The following GPC6 variants were observed in gnomAD, a reference collection of about 807,000 sequenced individuals.
GPC6 encodes glypican-6.
A neutral mutation model predicts 55.2 loss-of-function variants in GPC6; 14 were observed. The observed-to-expected ratio is 0.25, with a 90% CI of 0.17 to 0.40. The LOEUF (loss-of-function observed/expected upper bound fraction) is 0.40, where lower values mean the gene tolerates loss of function less well. GPC6 is among the 10% of genes least tolerant of loss of function. The pLI is 1.00. For synonymous variants in GPC6, 278 were observed against 259.6 expected, an observed-to-expected ratio of 1.07 and a Z score of -0.68; for missense variants, 641 against 708.5, an observed-to-expected ratio of 0.90 and a Z score of 1.08.
rs529906174 is a variant in GPC6, at chr13:93,523,398, T to C, written c.161-21865T>C. Reference sequence around the variant, plus strand: ...ATATGTATGTATGTGTATATATATATCCTCTTTTAAATATTATCCTTACAG... The same window carrying C: ...ATATGTATGTATGTGTATATATATACCCTCTTTTAAATATTATCCTTACAG... On this transcript the variant is annotated intron_variant, in intron 1 of 8. Coordinates refer to ENST00000377047, the MANE Select transcript of GPC6 (RefSeq NM_005708.5). 4.0e-5 allele frequency among the ~76,000 whole-genome samples: 6 copies of C among 151,388 alleles called. No individual in the cohort carries two copies. In the South Asian group the frequency reaches 1.3e-3, roughly 32 times the overall value.
chr13:93,226,654 T>C (rs1875793967), upstream of GPC6: 1 of 152,238 alleles, frequency 6.6e-6, no homozygotes, highest in South Asian at 2.1e-4. Flanking sequence ...CAGATCGGTA[T>C]AAAGGATGTG....
intron 6 of GPC6, among the ~76,000 whole-genome samples, chr13:94,318,807 G>A (rs1460564014): frequency 6.6e-6 from 1 of 152,054 alleles, no homozygotes; most frequent in South Asian, 2.1e-4. Flanking sequence ...AACTTTTCTT[G>A]TGAATTGAGC....
chr13:93,220,124 A>C, the GPC6 span, among the ~76,000 whole-genome samples: 3 of 152,228 alleles, frequency 2.0e-5, no homozygotes, highest in African/African-American at 7.2e-5. Context: ...CAAAATAATT[A>C]ATGATAGATA....
rs2140395203 is a variant in GPC6 at position 93,972,184 on chromosome 13, A to G, written c.712-55545A>G. On this transcript the variant is annotated intron_variant, in intron 3 of 8. Transcript: ENST00000377047. ...GGTAAACACTCCCCAAGCACACTTC[A>G]CTTTGGATTGGCAAGATTTGTTTGC... is the stretch of plus-strand genomic sequence containing the variant. 2.6e-5 allele frequency among the ~76,000 whole-genome samples: 4 copies of G among 152,296 alleles called. 1 individual carries two copies. The South Asian group carries it at 8.3e-4, about 32-fold the overall frequency.
At chr13:93,896,172 C>A (rs572376446) in intron 3 of GPC6, among the ~76,000 whole-genome samples, 1 of 151,942 alleles carries the variant, frequency 6.6e-6, no homozygotes, top group South Asian at 2.1e-4. Flanking sequence ...ATACGTACAG[C>A]TATTATGTGG....
chr13:93,675,451 C>G (rs1303084170), intron 2 of GPC6, among the ~76,000 whole-genome samples: 1 of 152,070 alleles, frequency 6.6e-6, no homozygotes, highest in East Asian at 1.9e-4. Context: ...GTTCTGTTCA[C>G]CAGTATTCAC....
intron 3 of GPC6, among the ~76,000 whole-genome samples, chr13:93,938,923 G>A (rs962762137): frequency 1.3e-5 from 2 of 152,006 alleles, no homozygotes; most frequent in Non-Finnish European, 2.9e-5. Flanking sequence ...CCAACACGGT[G>A]AAACCCCGTC....
chr13:94,050,462 A>G (rs1050826425), intron 4 of GPC6, among the ~76,000 whole-genome samples: 59 of 152,188 alleles, frequency 3.9e-4, no homozygotes, highest in Non-Finnish European at 2.8e-4. Context: ...CAACATCATT[A>G]TAATCTTCCA....
chr13:93,772,588 A>C (rs994767721), intron 2 of GPC6, among the ~76,000 whole-genome samples: 5 of 152,148 alleles, frequency 3.3e-5, no homozygotes, highest in African/African-American at 1.2e-4. Flanking sequence ...CACAAGGAAG[A>C]GAAACAAGAA....
At chr13:93,660,161 A>C (rs556504416) in intron 2 of GPC6, among the ~76,000 whole-genome samples, 1 of 152,252 alleles carries the variant, frequency 6.6e-6, no homozygotes, top group African/African-American at 2.4e-5. Context: ...TGGAAAAAAA[A>C]CTATGCCATT....
intron 1 of GPC6, among the ~76,000 whole-genome samples, chr13:93,296,886 G>C (rs1406485474): frequency 6.6e-6 from 1 of 152,158 alleles, no homozygotes; most frequent in Non-Finnish European, 1.5e-5. Context: ...GCCATCCAAA[G>C]TTATGAGGAG....
intron 1 of GPC6, among the ~76,000 whole-genome samples, chr13:93,326,813 C>T (rs538671513): frequency 1.7e-4 from 26 of 152,120 alleles, no homozygotes; most frequent in African/African-American, 5.8e-4. Flanking sequence ...AAATGTCCAG[C>T]GAACATTTTT....
chr13:93,778,380 C>T (rs1885533569), intron 2 of GPC6, among the ~76,000 whole-genome samples: 1 of 152,104 alleles, frequency 6.6e-6, no homozygotes, highest in Admixed American at 6.6e-5. Flanking sequence ...GTCTGCCTTA[C>T]TTTATAGACT....
At chr13:93,847,771 G>A (rs549468344) in intron 3 of GPC6, among the ~76,000 whole-genome samples, 1 of 152,068 alleles carries the variant, frequency 6.6e-6, no homozygotes, top group Non-Finnish European at 1.5e-5. Flanking sequence ...GCTGCAAATT[G>A]TGATGTGTAA....
intron 2 of GPC6, among the ~76,000 whole-genome samples, chr13:93,774,050 T>C (rs1021729133): frequency 4.6e-5 from 7 of 152,174 alleles, no homozygotes; most frequent in Non-Finnish European, 7.4e-5. Context: ...TTCTGACAGA[T>C]CCGTGGGCAT....
At chr13:93,957,405 C>G (rs936177412) in intron 3 of GPC6, among the ~76,000 whole-genome samples, 4 of 152,080 alleles carry the variant, frequency 2.6e-5, no homozygotes, top group African/African-American at 9.7e-5. Context: ...TCGGCAGTGA[C>G]CATTGTTCCC....
At chr13:93,460,916 T>C (rs1013598904) in intron 1 of GPC6, among the ~76,000 whole-genome samples, 6 of 152,190 alleles carry the variant, frequency 3.9e-5, no homozygotes, top group Non-Finnish European at 7.4e-5. Flanking sequence ...CTGGTTTTAA[T>C]ATAATAATGT....
At chr13:93,771,602 T>C (rs1594443230) in intron 2 of GPC6, among the ~76,000 whole-genome samples, 1 of 151,946 alleles carries the variant, frequency 6.6e-6, no homozygotes, top group African/African-American at 2.4e-5. Context: ...CATTTTAAAA[T>C]AAAGTAAATA....
chr13:93,910,547 T>C (rs922775684), intron 3 of GPC6, among the ~76,000 whole-genome samples: 7 of 152,046 alleles, frequency 4.6e-5, no homozygotes, highest in Non-Finnish European at 7.4e-5. Context: ...ACCTCACCTC[T>C]AGGGAAATCA....
Sources: gnomAD v4.1 joint callset for allele counts (sites outside exome capture counted in the v4.1 genomes callset) on GRCh38, gnomAD v4.1.1 for gene constraint, MANE v1.5 for transcripts, NCBI Gene and HGNC (gene_info 2026-07-23, HGNC 2026-07-21) for gene names.